The following CNBD1 variants were observed in gnomAD, a reference collection of about 807,000 sequenced individuals.
CNBD1 encodes cyclic nucleotide binding domain containing 1.
A neutral mutation model predicts 54.4 loss-of-function variants in CNBD1; 71 were observed. That is an observed-to-expected ratio of 1.30 (90% CI 1.08 to 1.59). The LOEUF (loss-of-function observed/expected upper bound fraction) is 1.59, where lower values mean the gene tolerates loss of function less well. Ranked by LOEUF, CNBD1 falls within the 40% of genes most tolerant of loss-of-function variation. The pLI, the probability that CNBD1 is intolerant of heterozygous loss-of-function variation, is 0.00. For missense variants in CNBD1, 659 were observed against 518.0 expected, an observed-to-expected ratio of 1.27 and a Z score of -2.64; for synonymous variants, 182 against 170.7, an observed-to-expected ratio of 1.07 and a Z score of -0.51.
At chr8:87,251,981 A>G (rs903173233) in intron 6 of CNBD1, among the ~76,000 whole-genome samples, 4 of 152,106 alleles carry the variant, frequency 2.6e-5, no homozygotes, top group African/African-American at 9.7e-5. Flanking sequence ...CTTGATTACT[A>G]TATCTGATGG....
intron 4 of CNBD1, among the ~76,000 whole-genome samples, chr8:86,975,882 C>T (rs1031639241): frequency 3.3e-5 from 5 of 151,998 alleles, no homozygotes; most frequent in African/African-American, 9.7e-5. Context: ...CCCATTCTTA[C>T]CAACACTTGG....
rs1423049166 is a variant in CNBD1, at chr8:87,274,765, T to C, written c.772-9913T>C. On this transcript the variant is annotated intron_variant, in intron 6 of 10. Coordinates refer to ENST00000518476, the MANE Select transcript of CNBD1 (RefSeq NM_173538.3). ...GTTTCTTTTGCTGTGCAGAAGCTCT[T>C]TAGTTTAATTAGATCCCATTTGTCA... Among the ~76,000 whole-genome samples the C allele has an allele frequency of 5.2e-5, 7 of 133,954 alleles. 3 individuals are homozygous for C. Among genetic ancestry groups the C allele is most frequent in the Non-Finnish European group, 1.1e-4 (7 of 62,444 alleles). 87.9% of individuals were successfully genotyped at this position (133,954 alleles called of 152,430 possible). A position where few individuals can be genotyped will look rare whatever the true frequency, so the allele number is the denominator to read the frequency against.
rs1319513295 is a variant in CNBD1, at chr8:87,324,362, A to T, written c.1043-27323A>T. On this transcript the variant is annotated intron_variant, in intron 8 of 10. Transcript: ENST00000518476. ...TCCCTCTTTTTCTATTGATTGGAAT[A>T]ATTTCAGAAGGAATGGTACCAGTTC... Among the ~76,000 whole-genome samples, 4 of 126,260 alleles carry T rather than the reference A, an allele frequency of 3.2e-5. 1 individual carries two copies. The highest frequency in any genetic ancestry group is 1.2e-4 in the African/African-American group (4 of 34,290). The allele number at this position is 126,260 out of a possible 152,430, so 82.8% of individuals were successfully genotyped here.
chr8:86,902,055 A>G (rs530986801), intron 2 of CNBD1, among the ~76,000 whole-genome samples: 2 of 152,294 alleles, frequency 1.3e-5, no homozygotes, highest in South Asian at 4.1e-4. Flanking sequence ...CTTTATATGC[A>G]TCATTTCCTT....
chr8:86,927,879 A>T (rs1198877910), intron 3 of CNBD1, among the ~76,000 whole-genome samples: 2 of 152,104 alleles, frequency 1.3e-5, no homozygotes, highest in South Asian at 2.1e-4. Flanking sequence ...CCAATAATTC[A>T]CAGGTGTATC....
intron 8 of CNBD1, among the ~76,000 whole-genome samples, chr8:87,312,639 A>G (rs1244402886): frequency 1.3e-5 from 2 of 152,082 alleles, no homozygotes; most frequent in Admixed American, 6.6e-5. Context: ...TAAGAGCCAT[A>G]TGAGTAATTA....
intron 2 of CNBD1, among the ~76,000 whole-genome samples, chr8:87,422,982 T>C (rs950721086): frequency 2.0e-5 from 3 of 151,918 alleles, no homozygotes; most frequent in Admixed American, 6.6e-5. Context: ...CTTGAAGAGG[T>C]CCTTCACATC....
chr8:86,976,535 C>T (rs2130500430), intron 4 of CNBD1, among the ~76,000 whole-genome samples: 1 of 151,992 alleles, frequency 6.6e-6, no homozygotes, highest in African/African-American at 2.4e-5. Flanking sequence ...TGTAATTCCA[C>T]ATAAATATTA....
intron 4 of CNBD1, among the ~76,000 whole-genome samples, chr8:87,170,359 G>T (rs1436502426): frequency 6.6e-6 from 1 of 152,036 alleles, no homozygotes; most frequent in African/African-American, 2.4e-5. Flanking sequence ...TATATCATCT[G>T]CAAACAAAGA....
At position 87,270,857 on chromosome 8, in the gene CNBD1, T is replaced by A. The variant is rs1289578391; in HGVS notation, c.772-13821T>A. Among the ~76,000 whole-genome samples the A allele has an allele frequency of 2.0e-5, 3 of 151,838 alleles. No individual in the cohort carries two copies. The East Asian group carries it at 5.8e-4, about 29-fold the overall frequency. ...TTCATAAGAGTTTATATTAGTTAGT[T>A]CCTTAAATTTTTGTTAGAATACAGC... On this transcript the variant is annotated intron_variant, in intron 6 of 10. Transcript: ENST00000518476.
chr8:87,104,079 T>C (rs571252804), intron 4 of CNBD1, among the ~76,000 whole-genome samples: 39 of 152,298 alleles, frequency 2.6e-4, no homozygotes, highest in Non-Finnish European at 4.9e-4. Context: ...TTGCTAAGCA[T>C]GTAACCAAAT....
chr8:87,134,022 A>G (rs1445073153), intron 4 of CNBD1, among the ~76,000 whole-genome samples: 1 of 152,190 alleles, frequency 6.6e-6, no homozygotes, highest in South Asian at 2.1e-4. Flanking sequence ...TGGCTTAGGA[A>G]TACCAAACAT....
intron 4 of CNBD1, among the ~76,000 whole-genome samples, chr8:87,105,714 CT>C (rs202091448): frequency 3.5e-4 from 52 of 147,110 alleles, no homozygotes; most frequent in Non-Finnish European, 5.0e-4. Flanking sequence ...TAGGCTAAGC[CT>C]TTTTTTTTTG....
intron 5 of CNBD1, among the ~76,000 whole-genome samples, chr8:87,219,142 T>G (rs538556776): frequency 6.6e-6 from 1 of 152,188 alleles, no homozygotes; most frequent in South Asian, 2.1e-4. Context: ...ACATGAGGCT[T>G]AGACATACGT....
At chr8:87,379,721 A>G (rs1035329304) in intron 10 of CNBD1, among the ~76,000 whole-genome samples, 3 of 151,978 alleles carry the variant, frequency 2.0e-5, no homozygotes, top group Non-Finnish European at 4.4e-5. Flanking sequence ...TTTAAGAAAT[A>G]CGTTTATAAT....
intron 4 of CNBD1, among the ~76,000 whole-genome samples, chr8:87,160,903 C>T (rs145238767): frequency 1.3e-5 from 2 of 152,230 alleles, no homozygotes; most frequent in East Asian, 3.9e-4. Context: ...CATTTTGGAA[C>T]TACAACAGGG....
chr8:87,380,277 A>C (rs1811047765), intron 10 of CNBD1, among the ~76,000 whole-genome samples: 1 of 151,990 alleles, frequency 6.6e-6, no homozygotes, highest in Non-Finnish European at 1.5e-5. Flanking sequence ...ACATGATAAT[A>C]CTTAAAAATA....
intron 10 of CNBD1, among the ~76,000 whole-genome samples, chr8:87,369,111 A>G (rs1389037566): frequency 1.3e-5 from 2 of 152,032 alleles, no homozygotes; most frequent in South Asian, 4.1e-4. Flanking sequence ...TATTCCATAT[A>G]TTTTAGCCAT....
At chr8:86,931,309 G>A (rs1021289871) in intron 3 of CNBD1, among the ~76,000 whole-genome samples, 4 of 152,112 alleles carry the variant, frequency 2.6e-5, no homozygotes, top group East Asian at 3.9e-4. Context: ...CTCAGTGAGG[G>A]TGATGACATG....
Sources: gnomAD v4.1 joint callset for allele counts (sites outside exome capture counted in the v4.1 genomes callset) on GRCh38, gnomAD v4.1.1 for gene constraint, MANE v1.5 for transcripts, NCBI Gene and HGNC (gene_info 2026-07-23, HGNC 2026-07-21) for gene names.